The following ADAMTS9 variants were observed in gnomAD, a reference collection of about 807,000 sequenced individuals.
ADAMTS9 encodes the protein ADAM metallopeptidase with thrombospondin type 1 motif 9.
A neutral mutation model predicts 257.1 loss-of-function variants in ADAMTS9; 107 were observed. The ratio of observed to expected loss-of-function variants is 0.42; its 90% confidence interval spans 0.36 to 0.49. ADAMTS9 has a LOEUF of 0.49. ADAMTS9 is among the 20% of genes least tolerant of loss of function. ADAMTS9 has a pLI of 0.03. For synonymous variants in ADAMTS9, 982 were observed against 880.9 expected (o/e 1.11, Z -2.03); for missense variants, 2,353 against 2,469.1 (o/e 0.95, Z 1.00).
intron 29 of ADAMTS9, chr3:64,563,447 A>G (rs2083463148): frequency 6.6e-6 from 1 of 152,126 alleles, no homozygotes; most frequent in East Asian, 1.9e-4. Context: ...GGACTCAACT[A>G]TATGCAGAAT....
At chr3:64,620,986 C>T (rs1576125951) in intron 19 of ADAMTS9, 128 bp downstream of exon 19, 2 of 1,206,108 alleles carry the variant, frequency 1.7e-6, no homozygotes, top group East Asian at 4.9e-5. Context: ...TTGGTTAAAG[C>T]TTATTTCACT....
At chr3:64,562,657 G>A (rs2083448547) in intron 29 of ADAMTS9, among the ~76,000 whole-genome samples, 1 of 152,120 alleles carries the variant, frequency 6.6e-6, no homozygotes, top group African/African-American at 2.4e-5. Flanking sequence ...CCAAATTTTT[G>A]TGATAGCTCA....
intron 31 of ADAMTS9, among the ~76,000 whole-genome samples, chr3:64,547,667 C>T (rs936221183): frequency 5.3e-5 from 8 of 152,024 alleles, no homozygotes; most frequent in African/African-American, 1.9e-4. Context: ...TGTGTGCCAC[C>T]ACACCCAGCT....
Position 64,561,626 on chromosome 3 carries a change from T to C in ADAMTS9, c.4650A>G (p.Gln1550=), listed in dbSNP as rs1161199646. Reference sequence around the variant, plus strand: ...AAGTGTAGAGGGGACACCGTGGGCCTTGGCAGTCGCGTTCCGACTCCGGTC... The same window carrying C: ...AAGTGTAGAGGGGACACCGTGGGCCCTGGCAGTCGCGTTCCGACTCCGGTC... ...YTRPESERDC[Q]GPRCPLYTWR... Residue 1550 remains glutamine, a synonymous_variant, in exon 30 of 40, where the codon CAA becomes CAG. Transcript: ENST00000498707. The C allele has an allele frequency of 3.1e-6, 5 of 1,614,080 alleles. No homozygotes were observed. The highest frequency in any genetic ancestry group is 4.2e-6 in the Non-Finnish European group (5 of 1,179,988).
intron 3 of ADAMTS9, among the ~76,000 whole-genome samples, chr3:64,659,473 CAAAAA>C (rs60660621): frequency 2.2e-5 from 2 of 90,654 alleles, no homozygotes; most frequent in African/African-American, 8.8e-5. Context: ...CTGTCTCAAA[CAAAAA>C]AAAAAAAAAA....
intron 19 of ADAMTS9, among the ~76,000 whole-genome samples, chr3:64,617,527 G>A (rs771994601): frequency 3.9e-5 from 6 of 151,928 alleles, no homozygotes; most frequent in Non-Finnish European, 8.8e-5. Context: ...TCAATGTTTC[G>A]TGTTCATTTA....
chr3:64,644,380 T>C (rs1367207923), intron 11 of ADAMTS9, among the ~76,000 whole-genome samples: 1 of 152,206 alleles, frequency 6.6e-6, no homozygotes, highest in Non-Finnish European at 1.5e-5. Context: ...TGCTGCCTCT[T>C]AACTGTGAGC....
At chr3:64,580,695 T>C (rs1164108665) in intron 28 of ADAMTS9, among the ~76,000 whole-genome samples, 1 of 152,154 alleles carries the variant, frequency 6.6e-6, no homozygotes, top group Non-Finnish European at 1.5e-5. Flanking sequence ...TAAAAAAAGA[T>C]CCTATTCAGA....
chr3:64,670,610 A>G (rs4309722), intron 3 of ADAMTS9, among the ~76,000 whole-genome samples: 77 of 152,190 alleles, frequency 5.1e-4, no homozygotes, highest in Non-Finnish European at 9.7e-4. Flanking sequence ...ACAATATTTA[A>G]AAACTATATC....
intron 14 of ADAMTS9, among the ~76,000 whole-genome samples, chr3:64,632,374 A>G (rs1700387697): frequency 6.6e-6 from 1 of 152,190 alleles, no homozygotes; most frequent in Non-Finnish European, 1.5e-5. Context: ...ACTCCAGACT[A>G]TTGCTGCCAT....
Position 64,604,089 on chromosome 3 carries a change from A to G in ADAMTS9, c.3580T>C (p.Cys1194Arg). The change falls in exon 25 of 40, where the codon TGC becomes CGC. Residue 1194 changes from cysteine to arginine, a missense_variant and splice_region_variant. Around this residue, in one of 3 missense-constraint regions of ADAMTS9, gnomAD observed 1,402 missense variants for 1,441.4 expected, o/e 0.97. Transcript: ENST00000498707. ...GTACCTTTCCCACAAGTGGCTGAGC[A>G]CTGGGTGTTGGAGTAAAATCATGCA... is the stretch of plus-strand genomic sequence containing the variant. Reference protein sequence around the residue: ...TQWRFGSWTPCSATCGKGTRM... With the variant: ...TQWRFGSWTPRSATCGKGTRM... 6.2e-7 allele frequency: 1 copy of G among 1,613,932 alleles called. No homozygotes were observed. The highest frequency in any genetic ancestry group is 8.5e-7 in the Non-Finnish European group (1 of 1,179,928).
At chr3:64,605,926 T>C (rs1468457509) in intron 23 of ADAMTS9, among the ~76,000 whole-genome samples, 1 of 152,232 alleles carries the variant, frequency 6.6e-6, no homozygotes. Context: ...TACAGCCAAC[T>C]GATTCTCACA....
intron 28 of ADAMTS9, chr3:64,582,647 GTATGC>G (rs2084036160): frequency 6.6e-6 from 1 of 152,150 alleles, no homozygotes; most frequent in African/African-American, 2.4e-5. Context: ...AACCGAGGGG[GTATGC>G]TATTGGCATC....
At position 64,621,132 on chromosome 3, in the gene ADAMTS9, C is replaced by T. The variant is rs375481016; in HGVS notation, c.2795G>A (p.Gly932Asp). Residue 932 changes from glycine to aspartate, a missense_variant, in exon 19 of 40, where the codon GGT becomes GAT. Gly to Asp is a moderately conservative substitution (Grantham distance 94, BLOSUM62 -1). Transcript: ENST00000498707. ...PQPGHITEPCGTDCDLRWHVA... is the reference protein window; with the variant it reads ...PQPGHITEPCDTDCDLRWHVA... ...GGCCCACCTCAGGTCACAGTCTGTA[C>T]CACAGGGTTCAGTAATGTGTCCAGG... The T allele has an allele frequency of 4.3e-6, 7 of 1,613,452 alleles. No individual in the cohort carries two copies. The African/African-American group carries it at 5.3e-5, about 12-fold the overall frequency.
At chr3:64,576,727 C>T (rs2083860412) in intron 28 of ADAMTS9, among the ~76,000 whole-genome samples, 1 of 152,180 alleles carries the variant, frequency 6.6e-6, no homozygotes, top group African/African-American at 2.4e-5. Context: ...AGGCCATCCT[C>T]CCATCCCCAC....
chr3:64,543,131 A>T (rs1478338324), intron 32 of ADAMTS9, among the ~76,000 whole-genome samples: 1 of 152,218 alleles, frequency 6.6e-6, no homozygotes, highest in Non-Finnish European at 1.5e-5. Context: ...TTAATAGCCT[A>T]CCAACCAAAA....
At chr3:64,608,364 G>C (rs2084602131) in intron 22 of ADAMTS9, among the ~76,000 whole-genome samples, 1 of 149,876 alleles carries the variant, frequency 6.7e-6, no homozygotes, top group Non-Finnish European at 1.5e-5. Flanking sequence ...AACAGAACCA[G>C]AAATTGATTT....
intron 4 of ADAMTS9, among the ~76,000 whole-genome samples, chr3:64,657,570 G>C (rs547041152): frequency 6.6e-6 from 1 of 151,962 alleles, no homozygotes; most frequent in East Asian, 1.9e-4. Context: ...TAAACTCTGG[G>C]CCTCAGATTA....
chr3:64,687,436 T>C lies in ADAMTS9; in HGVS notation c.115+107A>G. ...GGCTGCAAAGCGGGAGATAATTCTT[T>C]CTAGGAAAAGGAGAGAAGCCTCCGC... On this transcript the variant is annotated intron_variant, in intron 1 of 39. Transcript: ENST00000498707. This position sits in a 1 kb window ranked among gnomAD's most constrained non-coding sequence, Gnocchi z 4.4. The C allele has an allele frequency of 5.4e-6, 5 of 920,146 alleles. No homozygotes were observed. Among genetic ancestry groups the C allele is most frequent in the Non-Finnish European group, 7.9e-6 (5 of 633,556 alleles). 57.0% of individuals were successfully genotyped at this position (920,146 alleles called of 1,614,324 possible). A position where few individuals can be genotyped will look rare whatever the true frequency, so the allele number is the denominator to read the frequency against.
Sources: gnomAD v4.1 joint callset for allele counts (sites outside exome capture counted in the v4.1 genomes callset) on GRCh38, gnomAD v4.1.1 for gene constraint, gnomAD v4.1.1 regional missense constraint, Gnocchi (gnomAD v3.1) non-coding constraint, MANE v1.5 for transcripts, NCBI Gene and HGNC (gene_info 2026-07-23, HGNC 2026-07-21) for gene names.